The following DIO1 variants were observed in gnomAD, a reference collection of about 807,000 sequenced individuals.
The protein encoded by DIO1 is type I iodothyronine deiodinase.
DIO1 carries 17 observed loss-of-function variants against 25.9 expected under a neutral mutation model. The observed-to-expected ratio is 0.66, with a 90% CI of 0.45 to 0.98. The LOEUF is 0.98. Among genes scored for constraint, DIO1 ranks in the 50% least tolerant of loss-of-function variants. The pLI, the probability that DIO1 is intolerant of heterozygous loss-of-function variation, is 0.00. For missense variants in DIO1, 270 were observed against 310.4 expected (o/e 0.87, Z 0.98); for synonymous variants, 115 against 114.0 (o/e 1.01, Z -0.05).
At position 53,910,230 on chromosome 1, in the gene DIO1, A is replaced by T. The variant is rs1019692412; in HGVS notation, c.*231A>T. 36 of 524,588 alleles carry T rather than the reference A, an allele frequency of 6.9e-5. No homozygotes were observed. The highest frequency in any genetic ancestry group is 5.7e-4 in the African/African-American group (30 of 52,316). 32.5% of individuals were successfully genotyped at this position (524,588 alleles called of 1,614,324 possible). On this transcript the variant is annotated 3_prime_UTR_variant, in exon 4 of 4. Transcript: ENST00000361921. The stretch of plus-strand genomic sequence containing the variant: ...AAGCAACACTTGAGCTGTTCAGGCC[A>T]GTTCCCTGTTGAAGAAACAGTTCCC...
At chr1:53,904,562 AG>A (rs3215500) in intron 1 of DIO1, 103 bp from the exon 2 acceptor site, 73 of 1,393,744 alleles carry the variant, frequency 5.2e-5, no homozygotes, top group South Asian at 8.2e-5. Flanking sequence ...GGTGGGGGGT[AG>A]GGGGAAATAA....
chr1:53,910,537 A>T lies in DIO1; in HGVS notation c.*538A>T, dbSNP rs1651896463. 1 of 156,898 alleles carries T rather than the reference A, an allele frequency of 6.4e-6. No homozygotes were observed. Among genetic ancestry groups the T allele is most frequent in the Non-Finnish European group, 1.4e-5 (1 of 70,486 alleles). 9.7% of individuals were successfully genotyped at this position (156,898 alleles called of 1,614,324 possible). A position where few individuals can be genotyped will look rare whatever the true frequency, so the allele number is the denominator to read the frequency against. On this transcript the variant is annotated 3_prime_UTR_variant, in exon 4 of 4. Coordinates refer to ENST00000361921, the MANE Select transcript of DIO1 (RefSeq NM_000792.7). Reference sequence around the variant, plus strand: ...TGTTAGGAAGAGATGAGGAGTTGGAAGAGGAGGGATTAGAAACAGGAGGAG... The same window carrying T: ...TGTTAGGAAGAGATGAGGAGTTGGATGAGGAGGGATTAGAAACAGGAGGAG...
At chr1:53,909,897 C>T (rs2235544) in intron 3 of DIO1, 34 bp from the exon 4 acceptor site, 1 of 1,608,946 alleles carries the variant, frequency 6.2e-7, no homozygotes, top group South Asian at 1.1e-5. Flanking sequence ...GAAATCCTTA[C>T]AAGTTGGGAA....
chr1:53,905,286 T>C (rs543049092), intron 2 of DIO1, among the ~76,000 whole-genome samples: 2 of 145,968 alleles, frequency 1.4e-5, no homozygotes, highest in African/African-American at 5.5e-5. Context: ...TCGATCCTCC[T>C]GTCTCAGCCT....
chr1:53,895,771 T>C (rs546386623), intron 1 of DIO1, among the ~76,000 whole-genome samples: 1 of 152,344 alleles, frequency 6.6e-6, no homozygotes, highest in South Asian at 2.1e-4. Context: ...CCACACTCAT[T>C]TCTTTCGGAC....
chr1:53,895,959 C>A (rs887290313), intron 1 of DIO1, among the ~76,000 whole-genome samples: 1 of 152,182 alleles, frequency 6.6e-6, no homozygotes, highest in Non-Finnish European at 1.5e-5. Flanking sequence ...TACAGCTAGG[C>A]ATGTGCTCTC....
chr1:53,901,549 G>T (rs1198482867), intron 1 of DIO1, among the ~76,000 whole-genome samples: 1 of 152,180 alleles, frequency 6.6e-6, no homozygotes, highest in East Asian at 1.9e-4. Flanking sequence ...AAAGATCTAT[G>T]TGGAAGGGTA....
At chr1:53,898,283 G>C (rs2100761938) in intron 1 of DIO1, among the ~76,000 whole-genome samples, 1 of 152,244 alleles carries the variant, frequency 6.6e-6, no homozygotes, top group South Asian at 2.1e-4. Context: ...TGGCACAAGT[G>C]GGGTCCCAGA....
At chr1:53,896,210 C>CTTTTTTTTTTTTTTTTT (rs199555423) in intron 1 of DIO1, among the ~76,000 whole-genome samples, 20 of 103,570 alleles carry the variant, frequency 1.9e-4, no homozygotes, top group East Asian at 2.8e-4. Context: ...TTCTTTTTCT[C>CTTTTTTTTTTTTTTTTT]TTTTTTTTTT....
chr1:53,906,377 A>C, intron 3 of DIO1, 83 bp downstream of exon 3: 1 of 1,252,400 alleles, frequency 8.0e-7, no homozygotes, highest in Non-Finnish European at 1.1e-6. Context: ...TGCATCAAGC[A>C]GAACTGGATT....
intron 1 of DIO1, among the ~76,000 whole-genome samples, chr1:53,901,053 C>G (rs1339580293): frequency 1.6e-5 from 2 of 124,156 alleles, no homozygotes; most frequent in Non-Finnish European, 3.2e-5. Context: ...TGGTCTTGAA[C>G]TCATGGGCTC....
At chr1:53,909,193 G>T (rs1218148208) in intron 3 of DIO1, among the ~76,000 whole-genome samples, 16 of 150,972 alleles carry the variant, frequency 1.1e-4, no homozygotes. Flanking sequence ...AGGCGGGCAG[G>T]TCACTTGAGG....
intron 1 of DIO1, among the ~76,000 whole-genome samples, chr1:53,898,019 C>A (rs1393006383): frequency 6.6e-6 from 1 of 152,172 alleles, no homozygotes; most frequent in Non-Finnish European, 1.5e-5. Flanking sequence ...TGGGCCTCTG[C>A]CCTGGAAGGC....
At chr1:53,904,614 A>G (rs1651547575) in intron 1 of DIO1, 52 bp from the exon 2 acceptor site, 2 of 1,586,760 alleles carry the variant, frequency 1.3e-6, no homozygotes, top group Admixed American at 3.7e-5. Context: ...TGGTGCTTGT[A>G]AAAGAAAGCT....
chr1:53,899,979 C>T (rs1651271237), intron 1 of DIO1, among the ~76,000 whole-genome samples: 1 of 152,186 alleles, frequency 6.6e-6, no homozygotes, highest in Admixed American at 6.5e-5. Flanking sequence ...GAGCTGCCCT[C>T]CTGAAGCCTG....
chr1:53,900,346 G>A (rs751925350), intron 1 of DIO1, among the ~76,000 whole-genome samples: 3 of 152,196 alleles, frequency 2.0e-5, no homozygotes, highest in Non-Finnish European at 4.4e-5. Context: ...GCTCACGCCT[G>A]TAATCCCAGC....
At chr1:53,907,473 G>A (rs182772916) in intron 3 of DIO1, among the ~76,000 whole-genome samples, 1 of 152,270 alleles carries the variant, frequency 6.6e-6, no homozygotes, top group Non-Finnish European at 1.5e-5. Context: ...CAAGGTGCAA[G>A]GGTCACAGTA....
In DIO1 at chr1:53,894,444, T is replaced by C; in HGVS notation, c.234T>C (p.Arg78=). 6.2e-7 allele frequency: 1 copy of C among 1,614,230 alleles called. No homozygotes were observed. The highest frequency in any genetic ancestry group is 8.5e-7 in the Non-Finnish European group (1 of 1,180,048). Residue 78 remains arginine, a synonymous_variant, in exon 1 of 4, where the codon CGT becomes CGC. Transcript: ENST00000361921. The surrounding 1 kb of genome is among the most constrained non-coding windows in gnomAD (Gnocchi z 4.9). ...ATTTCTGGTTCGTCTTGAAGGTCCG[T>C]TGGCAGCGACTAGAGGACACGACTG... ...TQYFWFVLKV[R]WQRLEDTTEL...
chr1:53,896,875 T>G (rs1651107432), intron 1 of DIO1, among the ~76,000 whole-genome samples: 1 of 152,130 alleles, frequency 6.6e-6, no homozygotes, highest in Non-Finnish European at 1.5e-5. Context: ...GGGAAGAGTG[T>G]TTTAGAGGGG....
Sources: gnomAD v4.1 joint callset for allele counts (sites outside exome capture counted in the v4.1 genomes callset) on GRCh38, gnomAD v4.1.1 for gene constraint, Gnocchi (gnomAD v3.1) non-coding constraint, MANE v1.5 for transcripts, NCBI Gene and HGNC (gene_info 2026-07-23, HGNC 2026-07-21) for gene names.